Variants in NFIA observed in about 807,000 individuals in gnomAD.
NFIA encodes nuclear factor I A, also known as nuclear factor 1 A-type.
NFIA carries 8 observed loss-of-function variants against 62.8 expected under a neutral mutation model. The observed-to-expected ratio is 0.13, with a 90% CI of 0.07 to 0.23. The LOEUF is 0.23. Ranked by LOEUF, NFIA falls within the 10% of genes least tolerant of loss-of-function variation. NFIA has a pLI of 1.00. For missense variants in NFIA, 410 were observed against 642.1 expected, an observed-to-expected ratio of 0.64 and a Z score of 3.91; for synonymous variants, 235 against 238.1, an observed-to-expected ratio of 0.99 and a Z score of 0.12.
intron 4 of NFIA, among the ~76,000 whole-genome samples, chr1:61,345,914 G>A (rs919031643): frequency 4.6e-5 from 7 of 152,144 alleles, no homozygotes; most frequent in Non-Finnish European, 8.8e-5. Context: ...CTAATAAATC[G>A]TGATGGTGAT....
At chr1:61,431,338 A>G (rs940584022) in intron 10 of NFIA, among the ~76,000 whole-genome samples, 3 of 152,252 alleles carry the variant, frequency 2.0e-5, no homozygotes, top group African/African-American at 7.2e-5. Context: ...TAGTTTAATC[A>G]AAAGGTTTAA....
Position 61,082,731 on chromosome 1 carries a change from C to G in NFIA, c.-61C>G, listed in dbSNP as rs1414089903. Reference sequence around the variant, plus strand: ...CCCTCTTTCTCCTCTCTCACCCACACTCACGCACACCTCCAAACCGCACAC... The same window carrying G: ...CCCTCTTTCTCCTCTCTCACCCACAGTCACGCACACCTCCAAACCGCACAC... On this transcript the variant is annotated 5_prime_UTR_variant, in exon 1 of 11. Transcript: ENST00000403491. The G allele has an allele frequency of 6.4e-7, 1 of 1,551,192 alleles. No homozygotes were observed. Among genetic ancestry groups the G allele is most frequent in the Non-Finnish European group, 8.7e-7 (1 of 1,146,738 alleles).
Position 61,413,305 on chromosome 1 carries a change from C to T in NFIA, c.1420+6578C>T, listed in dbSNP as rs560501659. On this transcript the variant is annotated intron_variant, in intron 9 of 10. Coordinates refer to ENST00000403491, the MANE Select transcript of NFIA (RefSeq NM_001134673.4). ...TCTATGACTGGGATTTAAAATTTCT[C>T]GTATAATAATTAACATGTGTTCAAT... Among the ~76,000 whole-genome samples, 243 of 152,198 alleles carry T rather than the reference C, an allele frequency of 1.6e-3. 2 individuals are homozygous for T. The highest frequency in any genetic ancestry group is 1.4e-3 in the Non-Finnish European group (95 of 68,018).
chr1:61,204,061 C>T (rs530272256), intron 2 of NFIA, among the ~76,000 whole-genome samples: 2 of 152,274 alleles, frequency 1.3e-5, no homozygotes, highest in South Asian at 2.1e-4. Context: ...CTGTAAATTC[C>T]GTGGGATGTA....
At chr1:61,311,409 A>AC (rs1362813645) in intron 3 of NFIA, among the ~76,000 whole-genome samples, 1 of 97,032 alleles carries the variant, frequency 1.0e-5, no homozygotes, top group Admixed American at 1.3e-4. Context: ...CAAAAAACAA[A>AC]CAAAAAAAAC....
At chr1:61,435,782 A>G (rs1435399463) in intron 10 of NFIA, among the ~76,000 whole-genome samples, 1 of 152,208 alleles carries the variant, frequency 6.6e-6, no homozygotes, top group African/African-American at 2.4e-5. Context: ...GTCCCAAGGA[A>G]GAAGGCGCAA....
chr1:61,078,700 A>G (rs1570100338), upstream of NFIA, among the ~76,000 whole-genome samples: 1 of 152,216 alleles, frequency 6.6e-6, no homozygotes, highest in Non-Finnish European at 1.5e-5. Context: ...TTTCTTGGCT[A>G]TTCTTGAATT....
At chr1:61,234,502 G>T (rs891050758) in intron 2 of NFIA, among the ~76,000 whole-genome samples, 48 of 151,876 alleles carry the variant, frequency 3.2e-4, no homozygotes, top group Non-Finnish European at 4.7e-4. Context: ...CAACTCTTCT[G>T]TGAGCTCTGA....
intron 9 of NFIA, among the ~76,000 whole-genome samples, chr1:61,410,052 G>A (rs1376682791): frequency 1.3e-5 from 2 of 152,170 alleles, no homozygotes; most frequent in African/African-American, 2.4e-5. Context: ...GTGTTAGTGT[G>A]TGGGATTCAG....
At chr1:61,168,426 T>C (rs1371968576) in intron 2 of NFIA, among the ~76,000 whole-genome samples, 2 of 152,210 alleles carry the variant, frequency 1.3e-5, no homozygotes, top group Non-Finnish European at 2.9e-5. Flanking sequence ...AAAAATACCC[T>C]AGTAAATTGC....
intron 2 of NFIA, among the ~76,000 whole-genome samples, chr1:61,201,049 T>A (rs1341552076): frequency 2.0e-5 from 3 of 152,174 alleles, no homozygotes; most frequent in Admixed American, 6.5e-5. Flanking sequence ...TCCCTCTACG[T>A]TTTATTTTAA....
rs889117890 is a variant in NFIA, at chr1:61,460,918, C to A, written c.*5598C>A. 6.6e-6 allele frequency: 1 copy of A among 152,166 alleles called. No individual in the cohort carries two copies. Among genetic ancestry groups the A allele is most frequent in the African/African-American group, 2.4e-5 (1 of 41,438 alleles). 9.4% of individuals were successfully genotyped at this position (152,166 alleles called of 1,614,324 possible). A position where few individuals can be genotyped will look rare whatever the true frequency, so the allele number is the denominator to read the frequency against. On this transcript the variant is annotated 3_prime_UTR_variant, in exon 11 of 11. Coordinates refer to ENST00000403491, the MANE Select transcript of NFIA (RefSeq NM_001134673.4). ...AGGTTTAAAGGTATTTCACTGAGAA[C>A]GCAAATTCTGTCTTTTCTTGATTTC...
rs541056704 is a variant in NFIA, at chr1:61,146,716, C to G, written c.559+58036C>G. 5.3e-5 allele frequency among the ~76,000 whole-genome samples: 8 copies of G among 152,220 alleles called. No individual in the cohort carries two copies. The South Asian group carries it at 8.3e-4, about 16-fold the overall frequency. On this transcript the variant is annotated intron_variant, in intron 2 of 10. Transcript: ENST00000403491. The stretch of plus-strand genomic sequence containing the variant: ...GTGGATTTACTTGTTGCCCACTGTC[C>G]CCATACCCTCCACCCCCACATGGTG...
At chr1:61,279,756 A>C (rs1332467171) in intron 3 of NFIA, among the ~76,000 whole-genome samples, 2 of 152,120 alleles carry the variant, frequency 1.3e-5, no homozygotes, top group East Asian at 1.9e-4. Flanking sequence ...ATAAATTGAG[A>C]GCATGAGAGG....
chr1:61,308,873 C>A (rs1659942140), intron 3 of NFIA, among the ~76,000 whole-genome samples: 1 of 152,134 alleles, frequency 6.6e-6, no homozygotes, highest in Non-Finnish European at 1.5e-5. Context: ...ATGCTATATT[C>A]CAAGGAGTAA....
At chr1:61,433,970 G>A (rs553271398) in intron 10 of NFIA, among the ~76,000 whole-genome samples, 8 of 152,302 alleles carry the variant, frequency 5.3e-5, no homozygotes, top group South Asian at 4.1e-4. Flanking sequence ...AAATTAGGAA[G>A]CCTCCTACTA....
intron 2 of NFIA, among the ~76,000 whole-genome samples, chr1:61,213,828 AG>A (rs2100606968): frequency 6.6e-6 from 1 of 152,184 alleles, no homozygotes; most frequent in East Asian, 1.9e-4. Flanking sequence ...CACTGCACAC[AG>A]ATCATGCCCG....
At chr1:61,305,501 C>A (rs937178688) in intron 3 of NFIA, among the ~76,000 whole-genome samples, 16 of 152,204 alleles carry the variant, frequency 1.1e-4, no homozygotes, top group African/African-American at 3.6e-4. Context: ...GGAGACTCTA[C>A]ATAGCTGTGG....
intron 10 of NFIA, among the ~76,000 whole-genome samples, chr1:61,451,317 A>C (rs892133359): frequency 6.6e-6 from 1 of 152,254 alleles, no homozygotes; most frequent in Non-Finnish European, 1.5e-5. Flanking sequence ...TGCAATGGTT[A>C]AATGAAATTT....
Sources: gnomAD v4.1 joint callset for allele counts (sites outside exome capture counted in the v4.1 genomes callset) on GRCh38, gnomAD v4.1.1 for gene constraint, MANE v1.5 for transcripts, NCBI Gene and HGNC (gene_info 2026-07-23, HGNC 2026-07-21) for gene names.